Variants in EDN1 observed in about 807,000 individuals in gnomAD.
EDN1 encodes endothelin-1.
Under a neutral mutation model 21.7 loss-of-function variants are expected in EDN1, and 11 were observed. The ratio of observed to expected loss-of-function variants is 0.51; its 90% CI spans 0.32 to 0.84. The LOEUF (loss-of-function observed/expected upper bound fraction) is 0.84, where lower values mean the gene tolerates loss of function less well. EDN1 is among the 40% of genes least tolerant of loss of function. EDN1 has a pLI of 0.03. For synonymous variants in EDN1, 85 were observed against 90.6 expected (o/e 0.94, Z 0.35); for missense variants, 244 against 262.3 (o/e 0.93, Z 0.48).
chr6:12,246,784 G>A, the EDN1 span, among the ~76,000 whole-genome samples: 2 of 152,160 alleles, frequency 1.3e-5, no homozygotes, highest in Non-Finnish European at 2.9e-5. Flanking sequence ...GAAGGCCTAA[G>A]TCCCAGTAAC....
At chr6:12,275,829 G>GTGTGT in the EDN1 span, among the ~76,000 whole-genome samples, 1 of 149,746 alleles carries the variant, frequency 6.7e-6, no homozygotes, top group Non-Finnish European at 1.5e-5. Context: ...GTGTGTGTGT[G>GTGTGT]GATGCATGCA....
the EDN1 span, among the ~76,000 whole-genome samples, chr6:12,248,610 T>C: frequency 1.3e-5 from 2 of 152,148 alleles, no homozygotes; most frequent in Non-Finnish European, 2.9e-5. Context: ...AAGATTGCAA[T>C]GAGCAACTCT....
the EDN1 span, among the ~76,000 whole-genome samples, chr6:12,260,345 G>A: frequency 1.3e-5 from 2 of 152,102 alleles, no homozygotes; most frequent in Non-Finnish European, 2.9e-5. Flanking sequence ...ATGGTTAAAA[G>A]GATCTCATAA....
At chr6:12,253,270 T>C in the EDN1 span, among the ~76,000 whole-genome samples, 1 of 152,204 alleles carries the variant, frequency 6.6e-6, no homozygotes, top group African/African-American at 2.4e-5. Context: ...AATGAAAAAA[T>C]AATCACTTTT....
chr6:12,253,583 G>A, the EDN1 span, among the ~76,000 whole-genome samples: 1 of 152,056 alleles, frequency 6.6e-6, no homozygotes, highest in Non-Finnish European at 1.5e-5. Flanking sequence ...TTAATTTCCA[G>A]GAATTTACAC....
the EDN1 span, among the ~76,000 whole-genome samples, chr6:12,265,472 C>T: frequency 6.6e-6 from 1 of 152,170 alleles, no homozygotes; most frequent in Non-Finnish European, 1.5e-5. Flanking sequence ...GAGTTTATGA[C>T]ACAGACAGAA....
the EDN1 span, among the ~76,000 whole-genome samples, chr6:12,251,494 T>G: frequency 6.6e-6 from 1 of 152,346 alleles, no homozygotes; most frequent in East Asian, 1.9e-4. Flanking sequence ...CACTCTTAGG[T>G]GACCCTGATA....
In EDN1 at chr6:12,294,352, G is replaced by A. The variant is rs951534547; in HGVS notation, c.481G>A (p.Val161Met). 1.2e-5 allele frequency: 19 copies of A among 1,614,112 alleles called. No individual in the cohort carries two copies. In the Admixed American group the frequency reaches 1.5e-4, roughly 13 times the overall value. The change falls in exon 4 of 5, where the codon GTG (valine) becomes ATG (methionine). Residue 161 changes from valine (V) to methionine (M), a missense_variant. Transcript: ENST00000379375. Reference sequence around the variant, plus strand: ...GAAAAAGTGTATTTATCAGCAGTTAGTGAGAGGAAGAAAAATCAGAAGAAG... The same window carrying A: ...GAAAAAGTGTATTTATCAGCAGTTAATGAGAGGAAGAAAAATCAGAAGAAG... ...LGKKCIYQQLVRGRKIRRSSE... is the reference protein window; with the variant it reads ...LGKKCIYQQLMRGRKIRRSSE...
chr6:12,232,207 TA>T, the EDN1 span, among the ~76,000 whole-genome samples: 1 of 144,956 alleles, frequency 6.9e-6, no homozygotes, highest in Non-Finnish European at 1.5e-5. Context: ...TAATATAATA[TA>T]ATAAAGTATA....
At chr6:12,244,188 A>C in the EDN1 span, among the ~76,000 whole-genome samples, 5 of 152,274 alleles carry the variant, frequency 3.3e-5, no homozygotes, top group African/African-American at 1.2e-4. Context: ...TAATAAACTC[A>C]ATACAAATTA....
the EDN1 span, among the ~76,000 whole-genome samples, chr6:12,268,965 A>G: frequency 5.9e-5 from 9 of 152,274 alleles, no homozygotes; most frequent in African/African-American, 2.2e-4. Context: ...ATCCACGAAC[A>G]TGAGACCGCT....
At chr6:12,284,563 AAAGCAAGC>A in the EDN1 span, among the ~76,000 whole-genome samples, 4 of 149,618 alleles carry the variant, frequency 2.7e-5, no homozygotes, top group East Asian at 5.8e-4. Flanking sequence ...GAAGGAAGGA[AAAGCAAGC>A]AAGCAAGCAA....
At chr6:12,283,506 T>C in the EDN1 span, among the ~76,000 whole-genome samples, 4 of 152,018 alleles carry the variant, frequency 2.6e-5, no homozygotes, top group African/African-American at 9.7e-5. Flanking sequence ...CTAATACAAA[T>C]AAAAATCTGA....
At chr6:12,239,163 T>G in the EDN1 span, among the ~76,000 whole-genome samples, 1 of 152,088 alleles carries the variant, frequency 6.6e-6, no homozygotes, top group South Asian at 2.1e-4. Context: ...ACAGGGCAAA[T>G]GAGATAAGCA....
In EDN1 at chr6:12,296,215, C is replaced by T; in HGVS notation, c.*148C>T. 1 of 737,140 alleles carries T rather than the reference C, an allele frequency of 1.4e-6. No individual in the cohort carries two copies. Among genetic ancestry groups the T allele is most frequent in the Non-Finnish European group, 2.4e-6 (1 of 415,816 alleles). The allele number at this position is 737,140 out of a possible 1,614,324, so 45.7% of individuals were successfully genotyped here. A position where few individuals can be genotyped will look rare whatever the true frequency, so the allele number is the denominator to read the frequency against. ...GACCAGCGTCCTCGTTCAAAACATTCCAAGAAAGGTTAAGGAGTTCCCCCA... is the reference window on the plus strand; with the variant it reads ...GACCAGCGTCCTCGTTCAAAACATTTCAAGAAAGGTTAAGGAGTTCCCCCA... On this transcript the variant is annotated 3_prime_UTR_variant, in exon 5 of 5. Coordinates refer to ENST00000379375, the MANE Select transcript of EDN1 (RefSeq NM_001955.5).
the EDN1 span, among the ~76,000 whole-genome samples, chr6:12,272,502 G>C: frequency 3.6e-5 from 5 of 140,176 alleles, no homozygotes; most frequent in East Asian, 1.0e-3. Context: ...TTGTCGCCCA[G>C]GCTGGAGTGC....
At chr6:12,284,753 AAG>A in the EDN1 span, among the ~76,000 whole-genome samples, 9 of 123,976 alleles carry the variant, frequency 7.3e-5, no homozygotes, top group Non-Finnish European at 1.5e-4. Flanking sequence ...GGAAGGAAGA[AAG>A]AAAGAAAGAA....
the EDN1 span, among the ~76,000 whole-genome samples, chr6:12,272,404 CTT>C: frequency 6.6e-6 from 1 of 150,578 alleles, no homozygotes; most frequent in Non-Finnish European, 1.5e-5. Context: ...TCTTCTCACA[CTT>C]ACATACATGC....
chr6:12,291,980 C>T (rs1274371094), intron 1 of EDN1, among the ~76,000 whole-genome samples: 2 of 152,140 alleles, frequency 1.3e-5, no homozygotes, highest in African/African-American at 4.8e-5. Flanking sequence ...GTGGATAGTG[C>T]TGTCCTACCA....
Sources: gnomAD v4.1 joint callset for allele counts (sites outside exome capture counted in the v4.1 genomes callset) on GRCh38, gnomAD v4.1.1 for gene constraint, MANE v1.5 for transcripts, NCBI Gene and HGNC (gene_info 2026-07-23, HGNC 2026-07-21) for gene names.